Variants in PPP2R2C observed in about 807,000 individuals in gnomAD.
PPP2R2C encodes the protein protein phosphatase 2 regulatory subunit Bgamma.
Under a neutral mutation model 45.3 loss-of-function variants are expected in PPP2R2C, and 10 were observed. The ratio of observed to expected loss-of-function variants is 0.22; its 90% confidence interval spans 0.14 to 0.37. The LOEUF (loss-of-function observed/expected upper bound fraction) is 0.37, where lower values mean the gene tolerates loss of function less well. PPP2R2C is among the 10% of genes least tolerant of loss of function. The pLI is 1.00. For synonymous variants in PPP2R2C, 257 were observed against 245.4 expected, an observed-to-expected ratio of 1.05 and a Z score of -0.44; for missense variants, 308 against 619.7, an observed-to-expected ratio of 0.50 and a Z score of 5.34.
chr4:6,424,329 C>T (rs887386543), intron 1 of PPP2R2C, among the ~76,000 whole-genome samples: 3 of 152,232 alleles, frequency 2.0e-5, no homozygotes, highest in East Asian at 1.9e-4. Context: ...CGTGAGCTGA[C>T]GGTTCCTCCA....
intron 5 of PPP2R2C, among the ~76,000 whole-genome samples, chr4:6,358,100 A>T (rs1043710166): frequency 3.9e-5 from 6 of 152,224 alleles, no homozygotes; most frequent in African/African-American, 1.4e-4. Context: ...ACAAAGCTAC[A>T]GTAACCAAAA....
intron 1 of PPP2R2C, among the ~76,000 whole-genome samples, chr4:6,551,739 C>T (rs1725191913): frequency 6.6e-6 from 1 of 152,184 alleles, no homozygotes; most frequent in South Asian, 2.1e-4. Context: ...CCCTGCTGTC[C>T]CCACCAAGGC....
intron 6 of PPP2R2C, among the ~76,000 whole-genome samples, chr4:6,344,166 C>T (rs1711591302): frequency 6.6e-6 from 1 of 152,266 alleles, no homozygotes; most frequent in Admixed American, 6.5e-5. Flanking sequence ...CCTCTCTCCG[C>T]ACCTCGGCCT....
At chr4:6,432,575 G>A (rs190533582) in intron 1 of PPP2R2C, among the ~76,000 whole-genome samples, 51 of 152,262 alleles carry the variant, frequency 3.3e-4, no homozygotes, top group Admixed American at 2.9e-3. Context: ...TAGAGGATTT[G>A]GACTGTACAG....
At chr4:6,513,639 G>A (rs1042683927) in intron 2 of PPP2R2C, among the ~76,000 whole-genome samples, 1 of 152,236 alleles carries the variant, frequency 6.6e-6, no homozygotes, top group Non-Finnish European at 1.5e-5. Context: ...AAAGGGACAG[G>A]TCAGGTATGA....
rs1487546050 is a variant in PPP2R2C at position 6,403,151 on chromosome 4, C to A, written c.71-22057G>T. 5.3e-5 allele frequency among the ~76,000 whole-genome samples: 8 copies of A among 152,326 alleles called. No individual in the cohort carries two copies. In the East Asian group the frequency reaches 1.5e-3, roughly 29 times the overall value. On this transcript the variant is annotated intron_variant, in intron 1 of 8. Transcript: ENST00000382599. ...CATGGCAGGACAGTGGGTGCCTCCC[C>A]ACGTGGGTGGGAGATTACTGCCGCT... is the stretch of plus-strand genomic sequence containing the variant.
intron 1 of PPP2R2C, chr4:6,421,211 A>G (rs905366763): frequency 2.2e-5 from 18 of 834,358 alleles, no homozygotes; most frequent in Non-Finnish European, 2.5e-5. Context: ...ACCTGGACCC[A>G]GGAGCCAATG....
At chr4:6,491,078 C>G (rs73086181) in intron 2 of PPP2R2C, among the ~76,000 whole-genome samples, 5,229 of 152,262 alleles carry the variant, frequency 0.034, 315 homozygotes, top group African/African-American at 0.12. Context: ...CTGTGTCACT[C>G]ACAGATCTGT....
intron 1 of PPP2R2C, among the ~76,000 whole-genome samples, chr4:6,465,433 C>G (rs920631570): frequency 6.6e-6 from 1 of 152,044 alleles, no homozygotes; most frequent in Non-Finnish European, 1.5e-5. Flanking sequence ...TCACGAAAGC[C>G]AAGGAGGTAG....
At chr4:6,467,622 C>G (rs1001930236) in intron 1 of PPP2R2C, among the ~76,000 whole-genome samples, 4 of 152,166 alleles carry the variant, frequency 2.6e-5, no homozygotes, top group Non-Finnish European at 4.4e-5. Flanking sequence ...TTATGTATCT[C>G]GAGTCTTAGC....
intron 1 of PPP2R2C, among the ~76,000 whole-genome samples, chr4:6,457,364 T>C (rs1176686752): frequency 6.6e-6 from 1 of 152,108 alleles, no homozygotes; most frequent in Non-Finnish European, 1.5e-5. Flanking sequence ...CCATAGGGAA[T>C]GCACTGGGAA....
chr4:6,510,242 C>T (rs948376426), intron 2 of PPP2R2C, among the ~76,000 whole-genome samples: 20 of 130,628 alleles, frequency 1.5e-4, no homozygotes, highest in Non-Finnish European at 2.4e-4. Flanking sequence ...CTCCCACCAC[C>T]CCCACCCCTG....
At chr4:6,512,152 GTGA>G (rs1332917396) in intron 2 of PPP2R2C, among the ~76,000 whole-genome samples, 2 of 59,442 alleles carry the variant, frequency 3.4e-5, no homozygotes, top group Non-Finnish European at 6.4e-5. Flanking sequence ...GGTGGTAGTG[GTGA>G]TGGTGATGGT....
chr4:6,424,561 C>A (rs563719336), intron 1 of PPP2R2C, among the ~76,000 whole-genome samples: 2 of 152,118 alleles, frequency 1.3e-5, no homozygotes, highest in Non-Finnish European at 2.9e-5. Context: ...ACAGGGAGGC[C>A]GGAGAGCCAG....
At chr4:6,536,789 T>C (rs1156464257) in intron 1 of PPP2R2C, among the ~76,000 whole-genome samples, 1 of 152,252 alleles carries the variant, frequency 6.6e-6, no homozygotes, top group African/African-American at 2.4e-5. Flanking sequence ...TGGCAAGTAT[T>C]GGTAAACGAC....
intron 1 of PPP2R2C, among the ~76,000 whole-genome samples, chr4:6,392,674 G>T (rs927246048): frequency 2.0e-4 from 31 of 152,228 alleles, no homozygotes; most frequent in Non-Finnish European, 3.5e-4. Context: ...GAGGTGGGCT[G>T]GGCCGGGGTC....
intron 1 of PPP2R2C, chr4:6,421,109 C>CA (rs1365709275): frequency 1.0e-6 from 1 of 985,128 alleles, no homozygotes. Context: ...CTGTTTCCCC[C>CA]AAAACACATG....
At chr4:6,384,470 T>C in intron 1 of PPP2R2C, 14 of 982,698 alleles carry the variant, frequency 1.4e-5, no homozygotes, top group Non-Finnish European at 1.5e-5. Context: ...AGATTTTCTA[T>C]AATGAAGTTA....
At chr4:6,494,535 C>G (rs1202886553) in intron 2 of PPP2R2C, among the ~76,000 whole-genome samples, 1 of 152,226 alleles carries the variant, frequency 6.6e-6, no homozygotes, top group Non-Finnish European at 1.5e-5. Context: ...CCACCTGGAC[C>G]ACACGGGTGC....
Sources: allele counts gnomAD v4.1 joint callset (sites outside exome capture counted in the v4.1 genomes callset), GRCh38; gene constraint gnomAD v4.1.1; transcripts MANE v1.5; gene names NCBI Gene and HGNC (gene_info 2026-07-23, HGNC 2026-07-21).